Variants in GRID2 observed in about 807,000 individuals in gnomAD.
GRID2 encodes glutamate ionotropic receptor delta type subunit 2, also known as glutamate receptor ionotropic, delta-2.
In GRID2, 33 loss-of-function variants were observed where a neutral mutation model predicts 114.8. The observed-to-expected ratio is 0.29, with a 90% confidence interval of 0.22 to 0.38. The LOEUF (loss-of-function observed/expected upper bound fraction) is 0.38, where lower values mean the gene tolerates loss of function less well. GRID2 is among the 10% of genes least tolerant of loss of function. GRID2 has a pLI of 1.00. For missense variants in GRID2, 1,184 were observed against 1,257.7 expected (o/e 0.94, Z 0.89); for synonymous variants, 505 against 449.9 (o/e 1.12, Z -1.55).
chr4:93,202,664 C>T (rs1742231195), intron 4 of GRID2, among the ~76,000 whole-genome samples: 1 of 152,008 alleles, frequency 6.6e-6, no homozygotes, highest in Non-Finnish European at 1.5e-5. Context: ...GGAAAGAGAT[C>T]AACATTATTT....
intron 2 of GRID2, among the ~76,000 whole-genome samples, chr4:92,600,978 A>G (rs566035539): frequency 3.9e-5 from 6 of 152,226 alleles, no homozygotes; most frequent in Admixed American, 2.0e-4. Context: ...CAGAGCCACC[A>G]GGAAGGACTA....
rs551825737 is a variant in GRID2 at position 92,460,919 on chromosome 4, T to C, written c.89-129212T>C. On this transcript the variant is annotated intron_variant, in intron 1 of 15. Coordinates refer to ENST00000282020, the MANE Select transcript of GRID2 (RefSeq NM_001510.4). ...CTATTTTGACATTTTTAGATCTCTTTAGAAAAAAATTACATAAAAGACATT... is the reference window on the plus strand; with the variant it reads ...CTATTTTGACATTTTTAGATCTCTTCAGAAAAAAATTACATAAAAGACATT... Among the ~76,000 whole-genome samples the C allele has an allele frequency of 4.6e-5, 7 of 151,994 alleles. No homozygotes were observed. The South Asian group carries it at 1.4e-3, about 31-fold the overall frequency.
chr4:92,539,189 T>G (rs927708846), intron 1 of GRID2, among the ~76,000 whole-genome samples: 3 of 152,188 alleles, frequency 2.0e-5, no homozygotes, highest in African/African-American at 7.2e-5. Flanking sequence ...TTTCTTGAGA[T>G]AGATAACATA....
intron 8 of GRID2, among the ~76,000 whole-genome samples, chr4:93,267,673 C>T (rs1369900391): frequency 6.6e-6 from 1 of 152,200 alleles, no homozygotes; most frequent in East Asian, 1.9e-4. Context: ...CCCTCTCAGT[C>T]CAGTCCCACA....
chr4:93,427,245 T>A (rs1768940268), intron 10 of GRID2, among the ~76,000 whole-genome samples: 1 of 151,998 alleles, frequency 6.6e-6, no homozygotes, highest in Non-Finnish European at 1.5e-5. Context: ...ATATTCAAAC[T>A]TTATGAGGTG....
chr4:93,195,340 A>C (rs1411248852), intron 4 of GRID2, among the ~76,000 whole-genome samples: 1 of 152,182 alleles, frequency 6.6e-6, no homozygotes, highest in African/African-American at 2.4e-5. Context: ...AAGGGTTACA[A>C]CTGTGGGCAA....
rs112371241 is a variant in GRID2, at chr4:92,633,860, A to ATTT, written c.244+43585_244+43587dup. ...TTTGCCAAGTCAACTGCATTCTACT[A>ATTT]TTTTTTTTTTTTTCTGATGCTGGAG... On this transcript the variant is annotated intron_variant, in intron 2 of 15. Transcript: ENST00000282020. Among the ~76,000 whole-genome samples, 939 of 144,882 alleles carry ATTT rather than the reference A, an allele frequency of 6.5e-3. 12 individuals carry two copies. The highest frequency in any genetic ancestry group is 0.064 in the East Asian group (316 of 4,942).
At chr4:92,806,166 G>GACACACACACACAC (rs56070810) in intron 2 of GRID2, among the ~76,000 whole-genome samples, 56 of 133,332 alleles carry the variant, frequency 4.2e-4, no homozygotes, top group African/African-American at 1.5e-3. Flanking sequence ...ATAGGCTATC[G>GACACACACACACAC]ACACACACAC....
Position 92,977,048 on chromosome 4 carries a change from A to T in GRID2, c.245-107947A>T, listed in dbSNP as rs79341732. Among the ~76,000 whole-genome samples the T allele has an allele frequency of 5.3e-3, 808 of 152,272 alleles. 19 individuals are homozygous for T. In the East Asian group the frequency reaches 0.054, roughly 10 times the overall value. ...CTCTATGCAATTCATTCAACAATCA[A>T]TCAGTAAATATTTATAGAAAGTAAT... On this transcript the variant is annotated intron_variant, in intron 2 of 15. Transcript: ENST00000282020.
intron 2 of GRID2, among the ~76,000 whole-genome samples, chr4:92,594,336 GT>G (rs1380590594): frequency 6.6e-6 from 1 of 151,942 alleles, no homozygotes; most frequent in East Asian, 1.9e-4. Flanking sequence ...ATAAAGACCA[GT>G]TACATTATAT....
chr4:93,024,590 ATTATT>A (rs1723708813), intron 2 of GRID2, among the ~76,000 whole-genome samples: 1 of 151,856 alleles, frequency 6.6e-6, no homozygotes, highest in South Asian at 2.1e-4. Context: ...TGTATTTTAC[ATTATT>A]TTATATATTT....
intron 1 of GRID2, among the ~76,000 whole-genome samples, chr4:92,543,766 A>G (rs1402054770): frequency 2.0e-5 from 3 of 152,340 alleles, no homozygotes; most frequent in East Asian, 3.9e-4. Flanking sequence ...TAGATGGAAT[A>G]GGAAAAAATG....
intron 2 of GRID2, among the ~76,000 whole-genome samples, chr4:92,603,352 C>G (rs1188836101): frequency 2.0e-5 from 3 of 151,934 alleles, no homozygotes; most frequent in Non-Finnish European, 4.4e-5. Context: ...AACACACACA[C>G]AGACCAATGG....
At chr4:93,028,408 A>C (rs1397224927) in intron 2 of GRID2, among the ~76,000 whole-genome samples, 1 of 151,878 alleles carries the variant, frequency 6.6e-6, no homozygotes, top group African/African-American at 2.4e-5. Flanking sequence ...GCTGCTTGGG[A>C]GAGAGAGAGA....
At chr4:92,320,497 CAG>C (rs1268278101) in intron 1 of GRID2, among the ~76,000 whole-genome samples, 3 of 151,618 alleles carry the variant, frequency 2.0e-5, no homozygotes, top group African/African-American at 7.3e-5. Flanking sequence ...TTTTTTGAGA[CAG>C]AGTCTCACTC....
At chr4:93,267,524 C>T (rs1306173387) in intron 8 of GRID2, among the ~76,000 whole-genome samples, 2 of 152,210 alleles carry the variant, frequency 1.3e-5, no homozygotes, top group African/African-American at 4.8e-5. Context: ...GCCAACCTGG[C>T]AGGGCTTTCT....
chr4:92,361,369 T>C (rs1343016219), intron 1 of GRID2, among the ~76,000 whole-genome samples: 1 of 152,022 alleles, frequency 6.6e-6, no homozygotes, highest in South Asian at 2.1e-4. Context: ...TGTATCAGTA[T>C]ATGGAAATAT....
At chr4:92,318,507 C>CT (rs34235006) in intron 1 of GRID2, among the ~76,000 whole-genome samples, 2,946 of 64,484 alleles carry the variant, frequency 0.046, 250 homozygotes, top group African/African-American at 0.064. Flanking sequence ...TATGCCAGGA[C>CT]TTTTTTTTTT....
chr4:92,871,709 A>G (rs1745293641), intron 2 of GRID2, among the ~76,000 whole-genome samples: 1 of 152,156 alleles, frequency 6.6e-6, no homozygotes, highest in Non-Finnish European at 1.5e-5. Context: ...CAACTTTCCA[A>G]GGTAATAATT....
Sources: allele counts gnomAD v4.1 joint callset (sites outside exome capture counted in the v4.1 genomes callset), GRCh38; gene constraint gnomAD v4.1.1; transcripts MANE v1.5; gene names NCBI Gene and HGNC (gene_info 2026-07-23, HGNC 2026-07-21).